MED23: variants seen among roughly 807,000 people sequenced by gnomAD.
The protein encoded by MED23 is mediator complex subunit 23, also known as mediator of RNA polymerase II transcription subunit 23.
A neutral mutation model predicts 163.9 loss-of-function variants in MED23; 105 were observed. The observed-to-expected ratio is 0.64, with a 90% CI of 0.55 to 0.75. MED23 has a LOEUF of 0.75. Among genes scored for constraint, MED23 ranks in the 30% least tolerant of loss-of-function variants. MED23 has a pLI of 0.00. For synonymous variants in MED23, 561 were observed against 565.6 expected (o/e 0.99, Z 0.12); for missense variants, 1,054 against 1,649.0 (o/e 0.64, Z 6.25).
At chr6:131,619,704 TAGAG>T in intron 8 of MED23, 119 bp downstream of exon 8, 4 of 743,116 alleles carry the variant, frequency 5.4e-6, no homozygotes, top group South Asian at 1.5e-5. Flanking sequence ...ATTAAGCTCT[TAGAG>T]AGTCACCAAA....
At chr6:131,599,932 A>C in intron 18 of MED23, 106 bp downstream of exon 18, 1 of 1,366,526 alleles carries the variant, frequency 7.3e-7, no homozygotes, top group Admixed American at 1.8e-5. Context: ...TAAAATAAAT[A>C]AAAGCTAATT....
chr6:131,596,198 A>AT (rs781659317), intron 21 of MED23, 35 bp from the exon 22 acceptor site: 7 of 1,583,124 alleles, frequency 4.4e-6, no homozygotes, highest in East Asian at 4.5e-5. Context: ...TGGTTAGAGC[A>AT]TTTTTTAAAA....
chr6:131,589,743 A>G (rs1774449909), intron 27 of MED23, 147 bp from the exon 28 acceptor site: 2 of 736,776 alleles, frequency 2.7e-6, no homozygotes, highest in African/African-American at 1.7e-5. Context: ...CTCTATGCAC[A>G]TGAGATATGA....
chr6:131,626,991 A>G (rs561152296), intron 3 of MED23: 1 of 160,442 alleles, frequency 6.2e-6, no homozygotes, highest in South Asian at 1.8e-4. Context: ...GAATCTTGGT[A>G]TTCCTATTGT....
At chr6:131,592,858 C>G in intron 24 of MED23, 148 bp downstream of exon 24, 1 of 972,248 alleles carries the variant, frequency 1.0e-6, no homozygotes, top group South Asian at 1.5e-5. Context: ...ACTCCTATAT[C>G]ACAAAGACAA....
chr6:131,612,637 T>TA (rs1053151382), intron 10 of MED23, among the ~76,000 whole-genome samples: 1 of 152,140 alleles, frequency 6.6e-6, no homozygotes, highest in Non-Finnish European at 1.5e-5. Context: ...CCTATTTAGT[T>TA]AAAACCTGTT....
In MED23 at chr6:131,587,081, A is replaced by G; in HGVS notation, c.*598T>C. ...ATACAGTAAGTTCAAGTCCATAGCA[A>G]AGGTAATAAAACTGCCAGTTGACCT... On this transcript the variant is annotated 3_prime_UTR_variant, in exon 29 of 29. Coordinates refer to ENST00000368068, the MANE Select transcript of MED23 (RefSeq NM_004830.4). The G allele has an allele frequency of 7.6e-7, 1 of 1,315,582 alleles. No individual in the cohort carries two copies. 81.5% of individuals were successfully genotyped at this position (1,315,582 alleles called of 1,614,324 possible). A position where few individuals can be genotyped will look rare whatever the true frequency, so the allele number is the denominator to read the frequency against.
At chr6:131,624,348 C>T (rs776644670) in intron 4 of MED23, among the ~76,000 whole-genome samples, 3 of 152,220 alleles carry the variant, frequency 2.0e-5, no homozygotes, top group Non-Finnish European at 4.4e-5. Context: ...GTGAGAAAGT[C>T]TAGGCCACAA....
downstream of MED23, among the ~76,000 whole-genome samples, chr6:131,586,509 G>T (rs1308131530): frequency 6.6e-6 from 1 of 152,102 alleles, no homozygotes; most frequent in Non-Finnish European, 1.5e-5. Flanking sequence ...GCAATTACAT[G>T]AGCTACAAAG....
intron 11 of MED23, among the ~76,000 whole-genome samples, chr6:131,609,690 TATAC>T (rs1466646795): frequency 1.4e-5 from 2 of 147,722 alleles, no homozygotes; most frequent in African/African-American, 2.5e-5. Context: ...TGTGTATGTA[TATAC>T]ATACATATAT....
intron 3 of MED23, among the ~76,000 whole-genome samples, chr6:131,626,461 G>C (rs1777509806): frequency 6.6e-6 from 1 of 152,036 alleles, no homozygotes; most frequent in Non-Finnish European, 1.5e-5. Flanking sequence ...TGGACTGATA[G>C]GGAATTACCT....
Position 131,581,312 on chromosome 6 carries a change from G to A in MED23, c.4095+6397C>T. On this transcript the variant is annotated intron_variant, in intron 30 of 30. Transcript: ENST00000354577. ...CTCACACTGATATCAACACTCCACT[G>A]ACAACCACAAGTGGAAACTTGCATG... The A allele has an allele frequency of 1.9e-6, 3 of 1,613,890 alleles. No individual in the cohort carries two copies. The highest frequency in any genetic ancestry group is 2.5e-6 in the Non-Finnish European group (3 of 1,179,858).
Position 131,603,083 on chromosome 6 carries a change from A to T in MED23, c.1878T>A (p.His626Gln), listed in dbSNP as rs1775605672. ...GTGCAACTGCAGCCAAAGTATGAAGATGACTCAGGAGCTGAACTCTGTAAT... is the reference window on the plus strand; with the variant it reads ...GTGCAACTGCAGCCAAAGTATGAAGTTGACTCAGGAGCTGAACTCTGTAAT... ...QPHYRVQLLS[H>Q]LHTLAAVAQT... Residue 626 changes from histidine to glutamine, a missense_variant, in exon 16 of 29, where the codon CAT becomes CAA. This residue lies in a region of MED23 where 228 missense variants were observed against 461.3 expected (regional missense o/e 0.49). Coordinates refer to ENST00000368068, the MANE Select transcript of MED23 (RefSeq NM_004830.4). 1 of 1,613,878 alleles carries T rather than the reference A, an allele frequency of 6.2e-7. No individual in the cohort carries two copies. The highest frequency in any genetic ancestry group is 1.1e-5 in the South Asian group (1 of 91,082).
intron 22 of MED23, among the ~76,000 whole-genome samples, chr6:131,594,553 T>C (rs1366905288): frequency 2.6e-5 from 4 of 152,220 alleles, no homozygotes. Context: ...ATATTTGTTT[T>C]TATTTAAGTG....
chr6:131,617,832 A>G (rs141127854), intron 9 of MED23, among the ~76,000 whole-genome samples: 1 of 152,320 alleles, frequency 6.6e-6, no homozygotes, highest in East Asian at 1.9e-4. Context: ...TCAAAATTTC[A>G]GTGATTTGAA....
rs760006040 is a variant in MED23 at position 131,598,535 on chromosome 6, C to T, written c.2426+21G>A. ...ATACAACAATTTGCCAAATGGAATGCAAATTAGGTTTTTGACTTACCTATA... is the reference window on the plus strand; with the variant it reads ...ATACAACAATTTGCCAAATGGAATGTAAATTAGGTTTTTGACTTACCTATA... On this transcript the variant is annotated intron_variant, in intron 19 of 28. Transcript: ENST00000368068. The surrounding 1 kb of genome is among the most constrained non-coding windows in gnomAD (Gnocchi z 4.7). 1 of 1,613,826 alleles carries T rather than the reference C, an allele frequency of 6.2e-7. No individual in the cohort carries two copies. The highest frequency in any genetic ancestry group is 8.5e-7 in the Non-Finnish European group (1 of 1,179,840).
At position 131,624,925 on chromosome 6, in the gene MED23, CT is replaced by C; in HGVS notation, c.223del (p.Arg75GlufsTer9). On this transcript the variant is annotated frameshift_variant, in exon 4 of 29. Coordinates refer to ENST00000368068, the MANE Select transcript of MED23 (RefSeq NM_004830.4). LOFTEE classifies it high-confidence loss of function. ...TAAGCAGTCATAAAGAAAAGAAATTCTTTTAGGACTATGCTGACCATGAATA... is the reference window on the plus strand; with the variant it reads ...TAAGCAGTCATAAAGAAAAGAAATTCTTTAGGACTATGCTGACCATGAATA... ...KFIHGQHSPK[R>X]ISFLYDCLAM... The C allele has an allele frequency of 6.2e-7, 1 of 1,613,818 alleles. No individual in the cohort carries two copies. The highest frequency in any genetic ancestry group is 8.5e-7 in the Non-Finnish European group (1 of 1,179,900).
At position 131,619,816 on chromosome 6, in the gene MED23, TA is replaced by T. The variant is rs1776957604; in HGVS notation, c.667+10del. 6.3e-7 allele frequency: 1 copy of T among 1,591,614 alleles called. No homozygotes were observed. Among genetic ancestry groups the T allele is most frequent in the Non-Finnish European group, 8.6e-7 (1 of 1,160,396 alleles). On this transcript the variant is annotated intron_variant, in intron 8 of 28. Transcript: ENST00000368068. The stretch of plus-strand genomic sequence containing the variant: ...AGGTACTATTTGGCATATTTAAAAT[TA>T]TAATCCTACCACAAATGGAGTTTAT...
chr6:131,613,936 A>T (rs1323204975), intron 10 of MED23, among the ~76,000 whole-genome samples: 1 of 152,180 alleles, frequency 6.6e-6, no homozygotes, highest in African/African-American at 2.4e-5. Context: ...GGGTATTTGC[A>T]GCTCAAATGA....
Sources: allele counts gnomAD v4.1 joint callset (sites outside exome capture counted in the v4.1 genomes callset), GRCh38; gene constraint gnomAD v4.1.1; regional missense constraint gnomAD v4.1.1; non-coding constraint Gnocchi (gnomAD v3.1); transcripts MANE v1.5; gene names NCBI Gene and HGNC (gene_info 2026-07-23, HGNC 2026-07-21).